Variants in KLHDC1 observed in about 807,000 individuals in gnomAD.
KLHDC1 encodes the protein kelch domain containing 1.
KLHDC1 carries 53 observed loss-of-function variants against 68.3 expected under a neutral mutation model. The observed-to-expected ratio is 0.78, with a 90% CI of 0.62 to 0.98. The LOEUF (loss-of-function observed/expected upper bound fraction) is 0.98. KLHDC1 is among the 50% of genes least tolerant of loss of function. KLHDC1 has a pLI of 0.00. For synonymous variants in KLHDC1, 148 were observed against 159.0 expected (o/e 0.93, Z 0.52); for missense variants, 470 against 492.3 (o/e 0.95, Z 0.43).
At chr14:49,725,651 A>G in intron 5 of KLHDC1, 35 bp from the exon 6 acceptor site, 2 of 842,152 alleles carry the variant, frequency 2.4e-6, no homozygotes, top group Non-Finnish European at 3.4e-6. Context: ...AAAAATTATT[A>G]AAGCTTTGAG....
In KLHDC1 at chr14:49,752,214, G is replaced by A. The variant is rs907145808; in HGVS notation, c.*442G>A. 1.2e-4 allele frequency: 18 copies of A among 152,052 alleles called. No individual in the cohort carries two copies. The highest frequency in any genetic ancestry group is 4.1e-4 in the South Asian group (2 of 4,826). The allele number at this position is 152,052 out of a possible 1,614,324, so 9.4% of individuals were successfully genotyped here. ...TCAAGTCATTTTAAAGTTACCTAACGTTCTTCTTGAATAACTAATACAGTG... is the reference window on the plus strand; with the variant it reads ...TCAAGTCATTTTAAAGTTACCTAACATTCTTCTTGAATAACTAATACAGTG... On this transcript the variant is annotated 3_prime_UTR_variant, in exon 13 of 13. Coordinates refer to ENST00000359332, the MANE Select transcript of KLHDC1 (RefSeq NM_172193.3).
At chr14:49,695,105 A>G (rs908996312) in intron 1 of KLHDC1, among the ~76,000 whole-genome samples, 13 of 86,940 alleles carry the variant, frequency 1.5e-4, no homozygotes, top group Non-Finnish European at 2.4e-4. Context: ...GTAACATGCA[A>G]TGCAGTTTTG....
At chr14:49,712,205 A>G (rs6572599) in intron 4 of KLHDC1, among the ~76,000 whole-genome samples, 5,982 of 152,046 alleles carry the variant, frequency 0.039, 390 homozygotes, top group African/African-American at 0.14. Flanking sequence ...GGCATGAGCC[A>G]CTGCACCCAA....
rs1594689179 is a variant in KLHDC1, at chr14:49,751,775, T to G, written c.*3T>G. ...ATCAGTGGATCAGTAGCAATTAAAT[T>G]GTTATATACTTTACATATTTAGTAT... On this transcript the variant is annotated 3_prime_UTR_variant, in exon 13 of 13. Transcript: ENST00000359332. 1.4e-6 allele frequency: 2 copies of G among 1,458,808 alleles called. No homozygotes were observed. The highest frequency in any genetic ancestry group is 1.9e-6 in the Non-Finnish European group (2 of 1,061,778). 90.4% of individuals were successfully genotyped at this position (1,458,808 alleles called of 1,614,324 possible).
At chr14:49,721,466 G>C (rs1198817036) in intron 4 of KLHDC1, among the ~76,000 whole-genome samples, 1 of 152,042 alleles carries the variant, frequency 6.6e-6, no homozygotes, top group Non-Finnish European at 1.5e-5. Context: ...TTATATGCCA[G>C]ATCTTCTGTC....
chr14:49,732,899 T>C, intron 9 of KLHDC1, 83 bp downstream of exon 9: 1 of 701,902 alleles, frequency 1.4e-6, no homozygotes, highest in Admixed American at 2.7e-5. Flanking sequence ...GAAGTAAATC[T>C]TCCTTTTTTC....
intron 1 of KLHDC1, among the ~76,000 whole-genome samples, chr14:49,695,736 C>T (rs1026058405): frequency 2.0e-5 from 3 of 152,140 alleles, no homozygotes; most frequent in Admixed American, 1.3e-4. Flanking sequence ...AGATGGCATC[C>T]TCTTCCAATA....
At chr14:49,746,950 CTTTT>C (rs527399327) in intron 12 of KLHDC1, among the ~76,000 whole-genome samples, 1 of 139,094 alleles carries the variant, frequency 7.2e-6, no homozygotes. Flanking sequence ...AGCTTTCTCT[CTTTT>C]TTTTTTTTTT....
intron 6 of KLHDC1, among the ~76,000 whole-genome samples, chr14:49,728,498 A>G (rs948488365): frequency 6.6e-6 from 1 of 152,206 alleles, no homozygotes; most frequent in African/African-American, 2.4e-5. Context: ...TTTTGGGGCC[A>G]TTTTTAATTT....
In KLHDC1 at chr14:49,709,740, GC is replaced by G; in HGVS notation, c.201del (p.Ser68ProfsTer69). ...RMHLMEGELP[A>X]SMSGSCGACI... is the part of the protein sequence containing the mutation. ...GCACCTCATGGAAGGAGAACTCCCA[GC>G]CTCCATGTCAGGAAGCTGTGGTGCT... On this transcript the variant is annotated frameshift_variant, in exon 3 of 13. Transcript: ENST00000359332. LOFTEE classifies it high-confidence loss of function. 1 of 1,602,096 alleles carries G rather than the reference GC, an allele frequency of 6.2e-7. No individual in the cohort carries two copies. Among genetic ancestry groups the G allele is most frequent in the Non-Finnish European group, 8.5e-7 (1 of 1,175,068 alleles).
intron 10 of KLHDC1, among the ~76,000 whole-genome samples, chr14:49,738,675 T>G (rs1379013462): frequency 1.2e-4 from 18 of 152,148 alleles, no homozygotes; most frequent in Admixed American, 1.2e-3. Flanking sequence ...AATCACAAGT[T>G]TTTGAGCAGC....
At chr14:49,696,404 G>A (rs1281984625) in intron 1 of KLHDC1, among the ~76,000 whole-genome samples, 1 of 152,022 alleles carries the variant, frequency 6.6e-6, no homozygotes, top group African/African-American at 2.4e-5. Flanking sequence ...GGCCGATCTC[G>A]AACTGACCTC....
intron 1 of KLHDC1, among the ~76,000 whole-genome samples, chr14:49,695,687 G>T (rs1887719600): frequency 6.6e-6 from 1 of 152,176 alleles, no homozygotes; most frequent in Admixed American, 6.6e-5. Flanking sequence ...CTGGTCCTTT[G>T]AAATTGGACA....
intron 1 of KLHDC1, among the ~76,000 whole-genome samples, chr14:49,702,689 C>T (rs1887941043): frequency 6.6e-6 from 1 of 152,146 alleles, no homozygotes; most frequent in African/African-American, 2.4e-5. Flanking sequence ...CTGGTTACAG[C>T]TCATAGTAGG....
At chr14:49,742,526 G>A (rs1889088301) in intron 11 of KLHDC1, among the ~76,000 whole-genome samples, 1 of 152,012 alleles carries the variant, frequency 6.6e-6, no homozygotes, top group Non-Finnish European at 1.5e-5. Context: ...ACAAAAATTA[G>A]CCAGGATGTG....
At chr14:49,743,195 G>A (rs1416945950) in intron 11 of KLHDC1, among the ~76,000 whole-genome samples, 5 of 151,292 alleles carry the variant, frequency 3.3e-5, no homozygotes, top group South Asian at 2.1e-4. Context: ...TCAGGAGTTC[G>A]AAACCAGCCT....
In KLHDC1 at chr14:49,752,800, A is replaced by G. The variant is rs1889345678; in HGVS notation, c.*1028A>G. The G allele has an allele frequency of 6.6e-6, 1 of 152,142 alleles. No individual in the cohort carries two copies. The highest frequency in any genetic ancestry group is 1.5e-5 in the Non-Finnish European group (1 of 67,992). The allele number at this position is 152,142 out of a possible 1,614,324, so 9.4% of individuals were successfully genotyped here. A position where few individuals can be genotyped will look rare whatever the true frequency, so the allele number is the denominator to read the frequency against. The stretch of plus-strand genomic sequence containing the variant: ...TTAAGAAATTTTTCTTCATATTATC[A>G]CAATCATGCCCTTCCATTGAATTAT... On this transcript the variant is annotated 3_prime_UTR_variant, in exon 13 of 13. Transcript: ENST00000359332.
chr14:49,711,576 G>C (rs960339700), intron 4 of KLHDC1, among the ~76,000 whole-genome samples: 8 of 152,096 alleles, frequency 5.3e-5, no homozygotes, highest in African/African-American at 1.9e-4. Flanking sequence ...CTGACCTTGT[G>C]ATTTGCCTGC....
At chr14:49,735,514 C>A (rs2139761830) in intron 10 of KLHDC1, among the ~76,000 whole-genome samples, 1 of 151,894 alleles carries the variant, frequency 6.6e-6, no homozygotes, top group East Asian at 1.9e-4. Context: ...ATTCACAGTA[C>A]GTTTAGAATT....
Sources: gnomAD v4.1 joint callset for allele counts (sites outside exome capture counted in the v4.1 genomes callset) on GRCh38, gnomAD v4.1.1 for gene constraint, MANE v1.5 for transcripts, NCBI Gene and HGNC (gene_info 2026-07-23, HGNC 2026-07-21) for gene names.